Variants in ZFAT observed in about 807,000 individuals in gnomAD.
The protein encoded by ZFAT is zinc finger and AT-hook domain containing.
In ZFAT, 64 loss-of-function variants were observed where a neutral mutation model predicts 117.7. That is an observed-to-expected ratio of 0.54 (90% CI 0.44 to 0.67). The LOEUF is 0.67. Ranked by LOEUF, ZFAT falls within the 30% of genes least tolerant of loss-of-function variation. ZFAT has a pLI of 0.00. For synonymous variants in ZFAT, 679 were observed against 615.0 expected (o/e 1.10, Z -1.54); for missense variants, 1,433 against 1,584.5 (o/e 0.90, Z 1.62).
At chr8:134,811,042 G>C in the ZFAT span, among the ~76,000 whole-genome samples, 1 of 151,970 alleles carries the variant, frequency 6.6e-6, no homozygotes, top group East Asian at 1.9e-4. Flanking sequence ...ACAGAAGAGA[G>C]AAACAACCGT....
intron 9 of ZFAT, among the ~76,000 whole-genome samples, chr8:134,587,994 T>G (rs1165706205): frequency 6.6e-6 from 1 of 152,226 alleles, no homozygotes; most frequent in East Asian, 1.9e-4. Context: ...AGAGGAGTCA[T>G]GGTGATTTAT....
intron 1 of ZFAT, among the ~76,000 whole-genome samples, chr8:134,671,428 G>A (rs1312426072): frequency 6.6e-6 from 1 of 152,168 alleles, no homozygotes; most frequent in African/African-American, 2.4e-5. Flanking sequence ...CTTCATCCCT[G>A]GGATGCAAGG....
intron 15 of ZFAT, among the ~76,000 whole-genome samples, chr8:134,497,007 C>G (rs191380645): frequency 1.3e-5 from 2 of 152,358 alleles, no homozygotes; most frequent in East Asian, 3.9e-4. Context: ...AGGTCGTGCT[C>G]CTTCTTGGAG....
In ZFAT at chr8:134,666,557, TAA is replaced by T. The variant is rs1832228184; in HGVS notation, c.20-8822_20-8821del. Among the ~76,000 whole-genome samples, 4 of 152,182 alleles carry T rather than the reference TAA, an allele frequency of 2.6e-5. No homozygotes were observed. In the South Asian group the frequency reaches 8.3e-4, roughly 32 times the overall value. ...ACAAAAATGACTTCATGATTAAGGA[TAA>T]GCCTGTCTACAACAAGCGAAAAAAC... On this transcript the variant is annotated intron_variant, in intron 1 of 15. Coordinates refer to ENST00000377838, the MANE Select transcript of ZFAT (RefSeq NM_020863.4).
chr8:134,758,390 C>T, the ZFAT span, among the ~76,000 whole-genome samples: 1 of 152,200 alleles, frequency 6.6e-6, no homozygotes, highest in Non-Finnish European at 1.5e-5. Flanking sequence ...TCCACTTTAC[C>T]TCCTACTAGC....
intron 3 of ZFAT, among the ~76,000 whole-genome samples, chr8:134,621,982 T>C (rs1432788561): frequency 6.6e-6 from 1 of 152,266 alleles, no homozygotes; most frequent in Non-Finnish European, 1.5e-5. Flanking sequence ...TCTAAACTTA[T>C]CTGCATCTGC....
rs555337364 is a variant in ZFAT, at chr8:134,609,001, T to C, written c.635-122A>G. 335 of 1,183,502 alleles carry C rather than the reference T, an allele frequency of 2.8e-4. 1 individual carries two copies. In the African/African-American group the frequency reaches 4.8e-3, roughly 17 times the overall value. The allele number at this position is 1,183,502 out of a possible 1,614,324, so 73.3% of individuals were successfully genotyped here. ...TATACTGTCTGATACCCACGCAAGA[T>C]AGTTTTCACTCAGCTCGCACATTTA... On this transcript the variant is annotated intron_variant, in intron 4 of 15. Coordinates refer to ENST00000377838, the MANE Select transcript of ZFAT (RefSeq NM_020863.4).
At chr8:134,651,433 G>A (rs1009423642) in intron 2 of ZFAT, among the ~76,000 whole-genome samples, 1 of 152,210 alleles carries the variant, frequency 6.6e-6, no homozygotes, top group Non-Finnish European at 1.5e-5. Context: ...TATTTTTGGA[G>A]TAATGAAAAT....
intron 11 of ZFAT, among the ~76,000 whole-genome samples, chr8:134,554,503 G>T (rs1823416362): frequency 6.6e-6 from 1 of 152,152 alleles, no homozygotes; most frequent in Non-Finnish European, 1.5e-5. Context: ...CTGTGAAATG[G>T]AGAACTTCAC....
intron 8 of ZFAT, 57 bp downstream of exon 8, chr8:134,590,211 A>T: frequency 7.3e-7 from 1 of 1,378,488 alleles, no homozygotes; most frequent in Non-Finnish European, 1.0e-6. Flanking sequence ...ACATTGTTTT[A>T]AAATAAACAT....
At chr8:134,577,192 T>C (rs533849424) in intron 10 of ZFAT, among the ~76,000 whole-genome samples, 3 of 152,238 alleles carry the variant, frequency 2.0e-5, no homozygotes, top group Non-Finnish European at 4.4e-5. Context: ...GAGCCCTTTA[T>C]AGATCAATTT....
At chr8:134,658,138 C>T (rs996931877) in intron 1 of ZFAT, among the ~76,000 whole-genome samples, 2 of 152,158 alleles carry the variant, frequency 1.3e-5, no homozygotes, top group Non-Finnish European at 2.9e-5. Context: ...GAGATCGAGA[C>T]CATCCTGGCT....
chr8:134,763,880 C>T, the ZFAT span, among the ~76,000 whole-genome samples: 2 of 152,156 alleles, frequency 1.3e-5, no homozygotes, highest in Non-Finnish European at 2.9e-5. Context: ...CTGTCTGATT[C>T]TATTAAACCA....
chr8:134,643,978 T>C (rs1830731964), intron 2 of ZFAT, among the ~76,000 whole-genome samples: 1 of 152,152 alleles, frequency 6.6e-6, no homozygotes. Context: ...GGATTTGTGG[T>C]AAATGCCCAG....
chr8:134,713,077 G>T, upstream of ZFAT: 1 of 490,134 alleles, frequency 2.0e-6, no homozygotes, highest in Non-Finnish European at 3.3e-6. Context: ...CCTGCGTAGC[G>T]GACGTCCGCT....
chr8:134,478,707 C>G lies in ZFAT; in HGVS notation c.3507G>C (p.Glu1169Asp). ...VTVVKQVTEE[E>D]PSSNHTVMIQ... ...TCATGACCGTGTGGTTGGAGCTGGG[C>G]TCCTCCTCGGTGACCTGCGGGAGGA... is the stretch of plus-strand genomic sequence containing the variant. The change falls in exon 16 of 16, where the codon GAG becomes GAC. Residue 1169 changes from glutamate (E) to aspartate (D), a missense_variant. By Grantham distance (45) the Glu-to-Asp change is conservative. This residue lies in a region of ZFAT where 503 missense variants were observed against 543.4 expected (regional missense o/e 0.93). Coordinates refer to ENST00000377838, the MANE Select transcript of ZFAT (RefSeq NM_020863.4). The surrounding 1 kb of genome is among the most constrained non-coding windows in gnomAD (Gnocchi z 5.2). 2 of 1,568,296 alleles carry G rather than the reference C, an allele frequency of 1.3e-6. No individual in the cohort carries two copies. The highest frequency in any genetic ancestry group is 1.7e-6 in the Non-Finnish European group (2 of 1,156,854).
intron 15 of ZFAT, among the ~76,000 whole-genome samples, chr8:134,486,985 T>A (rs867350397): frequency 6.6e-6 from 1 of 152,226 alleles, no homozygotes; most frequent in Non-Finnish European, 1.5e-5. Flanking sequence ...TGTCCATGTG[T>A]GTATATGTAC....
intron 15 of ZFAT, among the ~76,000 whole-genome samples, chr8:134,493,033 T>C (rs545738141): frequency 1.4e-4 from 21 of 152,362 alleles, no homozygotes; most frequent in African/African-American, 5.0e-4. Flanking sequence ...GAAGACAGTA[T>C]AATGCTGCCT....
At chr8:134,519,505 C>T (rs527926909) in intron 13 of ZFAT, among the ~76,000 whole-genome samples, 11 of 152,298 alleles carry the variant, frequency 7.2e-5, no homozygotes, top group Non-Finnish European at 1.2e-4. Context: ...TTCATATGTG[C>T]AGGTGTACAT....
Sources: allele counts gnomAD v4.1 joint callset (sites outside exome capture counted in the v4.1 genomes callset), GRCh38; gene constraint gnomAD v4.1.1; regional missense constraint gnomAD v4.1.1; non-coding constraint Gnocchi (gnomAD v3.1); transcripts MANE v1.5; gene names NCBI Gene and HGNC (gene_info 2026-07-23, HGNC 2026-07-21).